Variants in MRPL3 observed in about 807,000 individuals in gnomAD.
MRPL3 encodes the protein mitochondrial ribosomal protein L3, also known as large ribosomal subunit protein uL3m.
A neutral mutation model predicts 44.3 loss-of-function variants in MRPL3; 43 were observed. The observed-to-expected ratio is 0.97, with a 90% CI of 0.76 to 1.25. The LOEUF (loss-of-function observed/expected upper bound fraction) is 1.25. Ranked by LOEUF, MRPL3 falls within the 50% of genes most tolerant of loss-of-function variation. MRPL3 has a pLI of 0.00. For missense variants in MRPL3, 406 were observed against 427.6 expected, an observed-to-expected ratio of 0.95 and a Z score of 0.45; for synonymous variants, 171 against 152.3, an observed-to-expected ratio of 1.12 and a Z score of -0.91.
At chr3:131,469,552 AC>A in intron 8 of MRPL3, 143 bp downstream of exon 8, 1 of 577,666 alleles carries the variant, frequency 1.7e-6, no homozygotes. Flanking sequence ...ACACACACAC[AC>A]ACACAATTCA....
chr3:131,463,218 G>T (rs1933529820), intron 9 of MRPL3, among the ~76,000 whole-genome samples: 2 of 151,920 alleles, frequency 1.3e-5, no homozygotes, highest in African/African-American at 4.8e-5. Context: ...CAAATATAAT[G>T]ACCTGACAAA....
chr3:131,485,680 C>A (rs546975867), intron 6 of MRPL3, among the ~76,000 whole-genome samples: 1 of 152,010 alleles, frequency 6.6e-6, no homozygotes, highest in South Asian at 2.1e-4. Context: ...GGTTTACAAT[C>A]TCTTTAAAAA....
chr3:131,477,228 T>C (rs1423471766), intron 6 of MRPL3, among the ~76,000 whole-genome samples: 1 of 152,228 alleles, frequency 6.6e-6, no homozygotes, highest in Non-Finnish European at 1.5e-5. Context: ...AGGTGAAGAA[T>C]GACCATATAC....
chr3:131,484,036 T>C (rs1337058158), intron 6 of MRPL3, among the ~76,000 whole-genome samples: 1 of 152,224 alleles, frequency 6.6e-6, no homozygotes, highest in Non-Finnish European at 1.5e-5. Context: ...TTCAGTTTTA[T>C]GCTAACTAAA....
At chr3:131,497,880 C>T in intron 4 of MRPL3, 1 of 275,622 alleles carries the variant, frequency 3.6e-6, no homozygotes, top group South Asian at 6.5e-5. Flanking sequence ...TAATTTAATC[C>T]TTGTGATAAA....
At chr3:131,491,026 T>G (rs530736977) in intron 4 of MRPL3, among the ~76,000 whole-genome samples, 3 of 152,332 alleles carry the variant, frequency 2.0e-5, no homozygotes, top group Non-Finnish European at 4.4e-5. Context: ...TTTTTTCCCC[T>G]TTCTACTGGA....
At chr3:131,473,133 G>C (rs905384747) in intron 6 of MRPL3, among the ~76,000 whole-genome samples, 4 of 152,114 alleles carry the variant, frequency 2.6e-5, no homozygotes, top group African/African-American at 4.8e-5. Flanking sequence ...AAAAAAGCTG[G>C]AGACATCATA....
At chr3:131,479,535 A>G (rs1361917592) in intron 6 of MRPL3, among the ~76,000 whole-genome samples, 2 of 152,158 alleles carry the variant, frequency 1.3e-5, no homozygotes, top group Non-Finnish European at 2.9e-5. Flanking sequence ...ATGAACCTAT[A>G]AAACAGATTA....
At chr3:131,481,271 T>C (rs371639760) in intron 6 of MRPL3, among the ~76,000 whole-genome samples, 2 of 152,228 alleles carry the variant, frequency 1.3e-5, no homozygotes, top group Non-Finnish European at 2.9e-5. Flanking sequence ...AATAATGTCA[T>C]GTTTTCTATT....
chr3:131,468,649 T>C (rs750384068), intron 8 of MRPL3, among the ~76,000 whole-genome samples: 9 of 152,046 alleles, frequency 5.9e-5, no homozygotes, highest in Non-Finnish European at 1.2e-4. Flanking sequence ...AAAATGGTAC[T>C]GAGAAAATAA....
intron 4 of MRPL3, among the ~76,000 whole-genome samples, chr3:131,494,862 G>T (rs1934332686): frequency 6.6e-6 from 1 of 152,064 alleles, no homozygotes. Context: ...AAGACTGACA[G>T]TACTGTCACA....
At chr3:131,502,050 G>A in intron 1 of MRPL3, 1 of 673,398 alleles carries the variant, frequency 1.5e-6, no homozygotes, top group Non-Finnish European at 2.5e-6. Context: ...ATTCAGTGGA[G>A]GTGGCAGAAG....
chr3:131,500,505 A>G lies in MRPL3; in HGVS notation c.294T>C (p.Gly98=). The change falls in exon 3 of 10, where the codon GGT becomes GGC. Residue 98 remains glycine, a synonymous_variant. Coordinates refer to ENST00000264995, the MANE Select transcript of MRPL3 (RefSeq NM_007208.4). The part of the protein sequence containing the change: ...HPWEPGSFRV[G]LIALKLGMMP... ...TCATGCCCAGCTTCAAGGCAATAAG[A>G]CCAACTCTAAAGGAACCTGGCAATT... 6 of 1,613,790 alleles carry G rather than the reference A, an allele frequency of 3.7e-6. No individual in the cohort carries two copies. Among genetic ancestry groups the G allele is most frequent in the Non-Finnish European group, 5.1e-6 (6 of 1,179,808 alleles).
rs1432617936 is a variant in MRPL3, at chr3:131,477,377, ACAAACT to A, written c.630-6104_630-6099del. The stretch of plus-strand genomic sequence containing the variant: ...ATCCCTCCTCGTCTTTCACTGGAAC[ACAAACT>A]GCTTCTCCTTCTCTCATCAACCATC... On this transcript the variant is annotated intron_variant, in intron 6 of 9. Coordinates refer to ENST00000264995, the MANE Select transcript of MRPL3 (RefSeq NM_007208.4). Among the ~76,000 whole-genome samples, 6 of 152,060 alleles carry A rather than the reference ACAAACT, an allele frequency of 3.9e-5. No homozygotes were observed. The East Asian group carries it at 1.2e-3, about 29-fold the overall frequency.
rs76447680 is a variant in MRPL3 at position 131,501,384 on chromosome 3, A to T, written c.277+147T>A. 7.4e-3 allele frequency: 5,380 copies of T among 725,944 alleles called. 201 individuals carry two copies. In the African/African-American group the frequency reaches 0.085, roughly 12 times the overall value. The allele number at this position is 725,944 out of a possible 1,614,324, so 45.0% of individuals were successfully genotyped here. On this transcript the variant is annotated intron_variant, in intron 2 of 9. Transcript: ENST00000264995. ...CTAGACTAGGAAGTTGGAAATAAAC[A>T]TGCAAAACAAACCACAATAAAACAC...
At chr3:131,500,036 C>A (rs1461733090) in intron 3 of MRPL3, among the ~76,000 whole-genome samples, 2 of 152,142 alleles carry the variant, frequency 1.3e-5, no homozygotes, top group Non-Finnish European at 2.9e-5. Flanking sequence ...GAACAAAATA[C>A]AGCCTCACCA....
At chr3:131,469,549 C>CAT (rs910519090) in intron 8 of MRPL3, 147 bp downstream of exon 8, 2 of 573,826 alleles carry the variant, frequency 3.5e-6, no homozygotes, top group African/African-American at 3.8e-5. Context: ...CACACACACA[C>CAT]ACACACACAA....
intron 6 of MRPL3, among the ~76,000 whole-genome samples, chr3:131,473,200 T>C (rs1350471036): frequency 1.3e-5 from 2 of 152,104 alleles, no homozygotes; most frequent in Non-Finnish European, 1.5e-5. Context: ...AGCATGCTAC[T>C]GGCATAAAAA....
chr3:131,483,365 T>A (rs942158352), intron 6 of MRPL3, among the ~76,000 whole-genome samples: 12 of 152,206 alleles, frequency 7.9e-5, no homozygotes, highest in African/African-American at 2.4e-4. Context: ...ATTGATAGTA[T>A]AATAAAACTA....
Sources: allele counts gnomAD v4.1 joint callset (sites outside exome capture counted in the v4.1 genomes callset), GRCh38; gene constraint gnomAD v4.1.1; transcripts MANE v1.5; gene names NCBI Gene and HGNC (gene_info 2026-07-23, HGNC 2026-07-21).